TAFA5: variants seen among roughly 807,000 people sequenced by gnomAD.
TAFA5 encodes chemokine-like protein TAFA-5.
In TAFA5, 6 loss-of-function variants were observed where a neutral mutation model predicts 15.3. The observed-to-expected ratio is 0.39, with a 90% CI of 0.21 to 0.77. The LOEUF (loss-of-function observed/expected upper bound fraction) is 0.77, where lower values mean the gene tolerates loss of function less well. TAFA5 is among the 30% of genes least tolerant of loss of function. The pLI is 0.41. For missense variants in TAFA5, 161 were observed against 193.1 expected, an observed-to-expected ratio of 0.83 and a Z score of 0.98; for synonymous variants, 103 against 80.7, an observed-to-expected ratio of 1.28 and a Z score of -1.48.
chr22:48,679,336 C>T (rs111164042), intron 2 of TAFA5, among the ~76,000 whole-genome samples: 1 of 14,072 alleles, frequency 7.1e-5, no homozygotes. Flanking sequence ...CCCGGCTCCC[C>T]GTCCATCCCT....
rs149558944 is a variant in TAFA5 at position 48,683,522 on chromosome 22, C to T, written c.263-24195C>T. On this transcript the variant is annotated intron_variant, in intron 2 of 3. Transcript: ENST00000402357. ...GCCAAAGTGAGTTTACCTGAAGGGA[C>T]GGGCTGAGGCCAGAGCCAGGTCGTT... is the stretch of plus-strand genomic sequence containing the variant. Among the ~76,000 whole-genome samples, 601 of 152,288 alleles carry T rather than the reference C, an allele frequency of 3.9e-3. 3 individuals are homozygous for T. Among genetic ancestry groups the T allele is most frequent in the Non-Finnish European group, 6.8e-3 (466 of 68,032 alleles).
intron 1 of TAFA5, among the ~76,000 whole-genome samples, chr22:48,501,629 CA>C (rs1601836429): frequency 6.6e-6 from 1 of 152,180 alleles, no homozygotes; most frequent in African/African-American, 2.4e-5. Flanking sequence ...GCTGACCTCC[CA>C]GGCCTCACGG....
intron 1 of TAFA5, among the ~76,000 whole-genome samples, chr22:48,513,940 G>C (rs1343992619): frequency 6.6e-6 from 1 of 152,098 alleles, no homozygotes; most frequent in Non-Finnish European, 1.5e-5. Flanking sequence ...AGGAGGAAAG[G>C]GGGATGATCC....
rs143389588 is a variant in TAFA5 at position 48,645,945 on chromosome 22, C to T, written c.113-652C>T. On this transcript the variant is annotated intron_variant, in intron 1 of 3. Transcript: ENST00000402357. ...GGTCATGTGTGCCTGTTTGCACACA[C>T]GTACATGCACATATGTGTGTGTGGG... Among the ~76,000 whole-genome samples the T allele has an allele frequency of 5.3e-3, 796 of 151,528 alleles. 12 individuals carry two copies. Among genetic ancestry groups the T allele is most frequent in the African/African-American group, 0.019 (768 of 41,268 alleles).
intron 1 of TAFA5, among the ~76,000 whole-genome samples, chr22:48,532,835 T>C (rs1922019541): frequency 1.3e-5 from 2 of 152,180 alleles, no homozygotes; most frequent in Admixed American, 1.3e-4. Flanking sequence ...TGGGAGCATC[T>C]GAGGAATGAG....
At chr22:48,497,022 G>A (rs1288839269) in intron 1 of TAFA5, among the ~76,000 whole-genome samples, 1 of 152,214 alleles carries the variant, frequency 6.6e-6, no homozygotes, top group African/African-American at 2.4e-5. Context: ...CTCCTTATGG[G>A]GAGCGGTGGG....
chr22:48,611,111 A>G (rs1175143337), intron 1 of TAFA5, among the ~76,000 whole-genome samples: 1 of 151,818 alleles, frequency 6.6e-6, no homozygotes, highest in Non-Finnish European at 1.5e-5. Flanking sequence ...TTTTTTGTAT[A>G]TTCAGTAGAG....
intron 2 of TAFA5, chr22:48,693,250 A>C: frequency 6.5e-7 from 1 of 1,545,028 alleles, no homozygotes. Flanking sequence ...GTCCAGAGCC[A>C]TGAAAATGCT....
chr22:48,644,974 C>T (rs1340452671), intron 1 of TAFA5, among the ~76,000 whole-genome samples: 3 of 152,234 alleles, frequency 2.0e-5, no homozygotes, highest in Non-Finnish European at 4.4e-5. Flanking sequence ...TCTGATGCTG[C>T]GGCCATCTCC....
At chr22:48,503,142 T>TGTG (rs1920962737) in intron 1 of TAFA5, among the ~76,000 whole-genome samples, 1 of 152,142 alleles carries the variant, frequency 6.6e-6, no homozygotes, top group Non-Finnish European at 1.5e-5. Context: ...GAGCTGCCTG[T>TGTG]GTGAGGAGGT....
chr22:48,606,940 CCA>C (rs1337023430), intron 1 of TAFA5, among the ~76,000 whole-genome samples: 1 of 144,130 alleles, frequency 6.9e-6, no homozygotes, highest in African/African-American at 3.0e-5. Flanking sequence ...GGTTTCGCTT[CCA>C]CTCTGTGCCC....
At chr22:48,576,039 A>ACCCCCCCCCCCCCCCC (rs535068094) in intron 1 of TAFA5, among the ~76,000 whole-genome samples, 2 of 31,436 alleles carry the variant, frequency 6.4e-5, no homozygotes, top group African/African-American at 2.4e-4. Context: ...GCCGCGCCGG[A>ACCCCCCCCCCCCCCCC]CCCCCCCCCC....
At chr22:48,516,267 T>C (rs1369349676) in intron 1 of TAFA5, among the ~76,000 whole-genome samples, 1 of 152,064 alleles carries the variant, frequency 6.6e-6, no homozygotes, top group African/African-American at 2.4e-5. Flanking sequence ...TTGTGGAGAT[T>C]GGGAATTTTT....
chr22:48,637,846 C>G (rs1926506415), intron 1 of TAFA5, among the ~76,000 whole-genome samples: 1 of 152,040 alleles, frequency 6.6e-6, no homozygotes, highest in Non-Finnish European at 1.5e-5. Flanking sequence ...CAGAAACTCT[C>G]CTTGAGGCCT....
chr22:48,585,176 C>T (rs1483941360), intron 1 of TAFA5, among the ~76,000 whole-genome samples: 1 of 149,612 alleles, frequency 6.7e-6, no homozygotes, highest in Non-Finnish European at 1.5e-5. Context: ...ACACACGACA[C>T]ACTGTGCACA....
chr22:48,742,705 G>A lies in TAFA5; in HGVS notation c.391-7134G>A, dbSNP rs1268257702. Among the ~76,000 whole-genome samples, 2 of 152,184 alleles carry A rather than the reference G, an allele frequency of 1.3e-5. No individual in the cohort carries two copies. On this transcript the variant is annotated intron_variant, in intron 3 of 3. Transcript: ENST00000402357. The surrounding 1 kb of genome is among the most constrained non-coding windows in gnomAD (Gnocchi z 6.2). ...AGTGTGATGGACCAGGCGACGTGGT[G>A]GGCCGGGTGGTGTGGTGAAGCCGGC...
At chr22:48,579,129 T>TC (rs201378759) in intron 1 of TAFA5, among the ~76,000 whole-genome samples, 1 of 80,618 alleles carries the variant, frequency 1.2e-5, no homozygotes, top group South Asian at 3.7e-4. Context: ...GGCTAATCCG[T>TC]CCCCCCCTGG....
chr22:48,693,094 A>G (rs1928593921), intron 2 of TAFA5, among the ~76,000 whole-genome samples: 1 of 152,190 alleles, frequency 6.6e-6, no homozygotes. Flanking sequence ...CTGCCCTTCG[A>G]CCCTGTCCGC....
intron 3 of TAFA5, among the ~76,000 whole-genome samples, chr22:48,723,954 A>G (rs928168267): frequency 1.3e-5 from 2 of 152,210 alleles, no homozygotes; most frequent in Admixed American, 1.3e-4. Context: ...CCAGCATTAG[A>G]ATGAAGTCAG....
Sources: allele counts gnomAD v4.1 joint callset (sites outside exome capture counted in the v4.1 genomes callset), GRCh38; gene constraint gnomAD v4.1.1; non-coding constraint Gnocchi (gnomAD v3.1); transcripts MANE v1.5; gene names NCBI Gene and HGNC (gene_info 2026-07-23, HGNC 2026-07-21).